Variants in ADGRL2 observed in about 807,000 individuals in gnomAD.
ADGRL2 encodes the protein calcium-independent alpha-latrotoxin receptor 2.
ADGRL2 carries 44 observed loss-of-function variants against 157.4 expected under a neutral mutation model. The observed-to-expected ratio is 0.28, with a 90% CI of 0.22 to 0.36. The LOEUF (loss-of-function observed/expected upper bound fraction) is 0.36. Among genes scored for constraint, ADGRL2 ranks in the 10% least tolerant of loss-of-function variants. The pLI is 1.00. For synonymous variants in ADGRL2, 585 were observed against 624.7 expected (o/e 0.94, Z 0.95); for missense variants, 1,510 against 1,768.9 (o/e 0.85, Z 2.63).
intron 1 of ADGRL2, among the ~76,000 whole-genome samples, chr1:81,716,171 A>G (rs1179298575): frequency 6.6e-6 from 1 of 152,220 alleles, no homozygotes; most frequent in Non-Finnish European, 1.5e-5. Context: ...CCTTAAAGAA[A>G]GTAGCTTGAA....
intron 1 of ADGRL2, among the ~76,000 whole-genome samples, chr1:81,405,952 T>C (rs914006110): frequency 6.6e-6 from 1 of 152,194 alleles, no homozygotes; most frequent in African/African-American, 2.4e-5. Flanking sequence ...AAGATTATAA[T>C]TAATCTGAGG....
At chr1:81,668,862 G>A (rs550895775) in intron 3 of ADGRL2, among the ~76,000 whole-genome samples, 1 of 152,136 alleles carries the variant, frequency 6.6e-6, no homozygotes, top group East Asian at 1.9e-4. Flanking sequence ...GAGCCACTGC[G>A]CCTGGCCCAC....
chr1:81,332,688 C>A (rs1030885656), intron 1 of ADGRL2, among the ~76,000 whole-genome samples: 7 of 152,034 alleles, frequency 4.6e-5, no homozygotes, highest in African/African-American at 1.4e-4. Context: ...AAATGTACAA[C>A]GATAATACTT....
intron 2 of ADGRL2, among the ~76,000 whole-genome samples, chr1:81,473,306 C>G (rs2078209821): frequency 6.6e-6 from 1 of 152,180 alleles, no homozygotes; most frequent in Non-Finnish European, 1.5e-5. Flanking sequence ...TATCCCTGCA[C>G]TGTTCTGTAT....
chr1:81,678,970 G>A (rs1460817197), intron 3 of ADGRL2, among the ~76,000 whole-genome samples: 1 of 152,152 alleles, frequency 6.6e-6, no homozygotes, highest in Non-Finnish European at 1.5e-5. Flanking sequence ...GTTCTGCACT[G>A]TCATAAAGCT....
chr1:81,491,691 TAAAAG>T (rs915414160), intron 2 of ADGRL2, among the ~76,000 whole-genome samples: 7 of 152,172 alleles, frequency 4.6e-5, no homozygotes, highest in African/African-American at 1.7e-4. Flanking sequence ...GAAAAGGTGC[TAAAAG>T]AAAACATTTT....
intron 2 of ADGRL2, among the ~76,000 whole-genome samples, chr1:81,481,049 TAAAG>T (rs1460254040): frequency 6.6e-6 from 1 of 152,152 alleles, no homozygotes; most frequent in Admixed American, 6.5e-5. Flanking sequence ...AAATACAAAT[TAAAG>T]AAATTTAATT....
chr1:81,551,869 T>C (rs141315837), intron 2 of ADGRL2, among the ~76,000 whole-genome samples: 71 of 152,320 alleles, frequency 4.7e-4, no homozygotes, highest in East Asian at 2.5e-3. Flanking sequence ...GGAAAACTTA[T>C]GGAAAATAGA....
intron 1 of ADGRL2, among the ~76,000 whole-genome samples, chr1:81,396,390 C>T (rs376767350): frequency 6.6e-6 from 1 of 152,108 alleles, no homozygotes; most frequent in East Asian, 1.9e-4. Context: ...GTTCTAACAG[C>T]TTTTTGTTAA....
intron 20 of ADGRL2, among the ~76,000 whole-genome samples, 193 bp downstream of exon 20, chr1:81,984,904 T>C (rs1169366236): frequency 6.6e-6 from 1 of 152,092 alleles, no homozygotes; most frequent in Non-Finnish European, 1.5e-5. Context: ...AACGTCCTTT[T>C]TTGTGGAGAG....
intron 14 of ADGRL2, 26 bp downstream of exon 14, chr1:81,968,225 A>T (rs754473418): frequency 6.3e-7 from 1 of 1,592,132 alleles, no homozygotes; most frequent in South Asian, 1.1e-5. Flanking sequence ...TCTAATTAGT[A>T]GCAGAGAAAA....
At chr1:81,730,978 T>C (rs1310348515) in intron 1 of ADGRL2, among the ~76,000 whole-genome samples, 1 of 152,192 alleles carries the variant, frequency 6.6e-6, no homozygotes, top group Admixed American at 6.5e-5. Flanking sequence ...GATTCAGATA[T>C]GGTAAAATTA....
At chr1:81,680,117 T>C (rs1163039973) in intron 3 of ADGRL2, among the ~76,000 whole-genome samples, 2 of 152,188 alleles carry the variant, frequency 1.3e-5, no homozygotes. Flanking sequence ...TGATGCACTG[T>C]TCCCTTGGGC....
At chr1:81,612,039 A>C (rs1166566204) in intron 3 of ADGRL2, among the ~76,000 whole-genome samples, 1 of 152,098 alleles carries the variant, frequency 6.6e-6, no homozygotes, top group Non-Finnish European at 1.5e-5. Flanking sequence ...AGCCATACCA[A>C]ATTATGAGTC....
At chr1:81,531,553 C>T (rs2079599602) in intron 2 of ADGRL2, among the ~76,000 whole-genome samples, 1 of 152,184 alleles carries the variant, frequency 6.6e-6, no homozygotes, top group Admixed American at 6.5e-5. Context: ...TCATAATCCT[C>T]AAGCTGTGAG....
At chr1:81,924,708 A>G (rs965613554) in intron 3 of ADGRL2, among the ~76,000 whole-genome samples, 18 of 152,048 alleles carry the variant, frequency 1.2e-4, no homozygotes, top group African/African-American at 4.1e-4. Context: ...GGTATATGGG[A>G]GGAGAGATCA....
At chr1:81,404,039 G>A (rs188487159) in intron 1 of ADGRL2, among the ~76,000 whole-genome samples, 28 of 151,986 alleles carry the variant, frequency 1.8e-4, no homozygotes, top group African/African-American at 4.3e-4. Flanking sequence ...CTCGTAATCC[G>A]TCCACCTCGG....
At chr1:81,390,919 G>A (rs997696675) in intron 1 of ADGRL2, among the ~76,000 whole-genome samples, 5 of 152,300 alleles carry the variant, frequency 3.3e-5, no homozygotes, top group Non-Finnish European at 5.9e-5. Context: ...GCAGCTTTGA[G>A]TATATGTGGG....
chr1:81,618,042 T>C (rs1252392653), intron 3 of ADGRL2, among the ~76,000 whole-genome samples: 1 of 151,740 alleles, frequency 6.6e-6, no homozygotes, highest in Non-Finnish European at 1.5e-5. Flanking sequence ...CAAAAAACTT[T>C]ATTGTTAAAG....
Sources: gnomAD v4.1 joint callset for allele counts (sites outside exome capture counted in the v4.1 genomes callset) on GRCh38, gnomAD v4.1.1 for gene constraint, MANE v1.5 for transcripts, NCBI Gene and HGNC (gene_info 2026-07-23, HGNC 2026-07-21) for gene names.